The following ESRRG variants were observed in gnomAD, a reference collection of about 807,000 sequenced individuals.
ESRRG encodes the protein estrogen related receptor gamma.
ESRRG carries 13 observed loss-of-function variants against 44.0 expected under a neutral mutation model. The ratio of observed to expected loss-of-function variants is 0.30; its 90% CI spans 0.19 to 0.47. The LOEUF (loss-of-function observed/expected upper bound fraction) is 0.47. ESRRG is among the 20% of genes least tolerant of loss of function. The probability of loss-of-function intolerance (pLI) is 1.00; values close to 1 mark genes in which losing one functional copy is unlikely to be tolerated. For synonymous variants in ESRRG, 215 were observed against 214.6 expected (o/e 1.00, Z -0.02); for missense variants, 395 against 580.6 (o/e 0.68, Z 3.29).
At chr1:216,560,920 G>A (rs558365724) in intron 5 of ESRRG, among the ~76,000 whole-genome samples, 316 of 152,256 alleles carry the variant, frequency 2.1e-3, no homozygotes, top group Admixed American at 3.6e-3. Context: ...GGATATAAAA[G>A]GATGCTAATG....
At chr1:216,615,736 CTTTTT>C (rs60874199) in intron 3 of ESRRG, among the ~76,000 whole-genome samples, 1 of 137,264 alleles carries the variant, frequency 7.3e-6, no homozygotes, top group Admixed American at 7.3e-5. Context: ...ATTTCTCTCT[CTTTTT>C]TTTTTTTTTT....
At position 217,089,077 on chromosome 1, in the gene ESRRG, C is replaced by T. The variant is rs1367222365; in HGVS notation, c.-106+430G>A. ...TCCAGCCCATGACAGCAGTCCTCAA[C>T]TCCTGGCACCACCCTCTCCCCCAAC... On this transcript the variant is annotated intron_variant, in intron 1 of 7. Transcript: ENST00000359162. 2.5e-4 allele frequency among the ~76,000 whole-genome samples: 38 copies of T among 151,992 alleles called. 1 individual carries two copies. Among genetic ancestry groups the T allele is most frequent in the Admixed American group, 2.5e-3 (38 of 15,262 alleles).
At chr1:216,802,099 C>T (rs1427269581) in intron 2 of ESRRG, among the ~76,000 whole-genome samples, 2 of 152,098 alleles carry the variant, frequency 1.3e-5, no homozygotes, top group African/African-American at 4.8e-5. Context: ...AATGTCCCTT[C>T]CCCCAAAGAG....
chr1:216,702,554 G>A (rs1314273398), intron 1 of ESRRG, among the ~76,000 whole-genome samples: 1 of 150,666 alleles, frequency 6.6e-6, no homozygotes, highest in Non-Finnish European at 1.5e-5. Context: ...CTTGAGGTCA[G>A]GAGTTCGAGA....
intron 1 of ESRRG, among the ~76,000 whole-genome samples, chr1:217,046,652 T>C (rs2084930219): frequency 1.3e-5 from 2 of 152,064 alleles, no homozygotes; most frequent in Admixed American, 1.3e-4. Context: ...AGGAGGCCAG[T>C]GCAGGAGGAT....
At chr1:216,622,178 C>T (rs1277573606) in intron 3 of ESRRG, among the ~76,000 whole-genome samples, 4 of 152,194 alleles carry the variant, frequency 2.6e-5, no homozygotes, top group Non-Finnish European at 2.9e-5. Flanking sequence ...ATCAGGAAAA[C>T]ACCATGAAAG....
rs2041330237 is a variant in ESRRG, at chr1:216,506,875, A to G, written c.*64T>C. On this transcript the variant is annotated 3_prime_UTR_variant, in exon 7 of 7. Transcript: ENST00000408911. ...TAACTAAACTCTAAGTTTCTTCGACATCACTCTTGGGTTTATTTTCCCTTT... is the reference window on the plus strand; with the variant it reads ...TAACTAAACTCTAAGTTTCTTCGACGTCACTCTTGGGTTTATTTTCCCTTT... 3 of 1,546,340 alleles carry G rather than the reference A, an allele frequency of 1.9e-6. No individual in the cohort carries two copies. The highest frequency in any genetic ancestry group is 1.4e-5 in the African/African-American group (1 of 72,462).
intron 2 of ESRRG, among the ~76,000 whole-genome samples, chr1:216,873,658 C>T (rs1003572801): frequency 1.5e-4 from 22 of 151,490 alleles, no homozygotes; most frequent in Admixed American, 3.3e-4. Flanking sequence ...CCACATATGC[C>T]CACATTTTTT....
chr1:217,021,355 A>T (rs1396628694), intron 1 of ESRRG, among the ~76,000 whole-genome samples: 6 of 152,154 alleles, frequency 3.9e-5, no homozygotes, highest in African/African-American at 1.4e-4. Flanking sequence ...CAGGGATCAA[A>T]CCCATGACCA....
At chr1:216,961,486 CTCT>C (rs1424000410) in intron 1 of ESRRG, among the ~76,000 whole-genome samples, 2 of 151,676 alleles carry the variant, frequency 1.3e-5, no homozygotes, top group Non-Finnish European at 2.9e-5. Context: ...CATAAACTAC[CTCT>C]TCTTAAGGAT....
At chr1:217,133,661 T>TCTCTCTCTCTC (rs1558298499) in intron 1 of ESRRG, among the ~76,000 whole-genome samples, 1 of 142,822 alleles carries the variant, frequency 7.0e-6, no homozygotes, top group Non-Finnish European at 1.5e-5. Context: ...CTTTCTTTCT[T>TCTCTCTCTCTC]TCTTTCTTTC....
intron 2 of ESRRG, among the ~76,000 whole-genome samples, chr1:216,778,897 A>G (rs572821089): frequency 4.5e-4 from 68 of 151,080 alleles, no homozygotes; most frequent in African/African-American, 1.6e-3. Context: ...TTGAAAAGAA[A>G]CCTATCTATG....
intron 2 of ESRRG, among the ~76,000 whole-genome samples, chr1:216,880,089 T>C (rs749300087): frequency 2.3e-4 from 35 of 151,732 alleles, no homozygotes; most frequent in Non-Finnish European, 4.4e-4. Flanking sequence ...GGTTGGATCA[T>C]TTGAGGTCAA....
intron 2 of ESRRG, among the ~76,000 whole-genome samples, chr1:216,912,983 C>A (rs1010882660): frequency 6.6e-6 from 1 of 151,416 alleles, no homozygotes; most frequent in African/African-American, 2.4e-5. Context: ...ATTAGCTGGG[C>A]GTGGTGACAT....
At chr1:216,747,019 A>C (rs567733003) in intron 2 of ESRRG, among the ~76,000 whole-genome samples, 8 of 152,182 alleles carry the variant, frequency 5.3e-5, no homozygotes, top group Non-Finnish European at 1.0e-4. Flanking sequence ...CAAAGAACTC[A>C]TAAAACAGGC....
intron 1 of ESRRG, among the ~76,000 whole-genome samples, chr1:216,984,697 C>A (rs982899794): frequency 6.6e-6 from 1 of 152,140 alleles, no homozygotes; most frequent in African/African-American, 2.4e-5. Context: ...AGAAGAGAAT[C>A]CCTTAGTGAG....
chr1:216,629,201 A>G (rs1312751010), intron 3 of ESRRG, among the ~76,000 whole-genome samples: 1 of 152,236 alleles, frequency 6.6e-6, no homozygotes, highest in Non-Finnish European at 1.5e-5. Context: ...GATGGTCAAT[A>G]TATCTTTGCT....
chr1:217,136,464 T>G (rs1049539533), intron 1 of ESRRG, among the ~76,000 whole-genome samples: 1 of 152,130 alleles, frequency 6.6e-6, no homozygotes, highest in African/African-American at 2.4e-5. Flanking sequence ...GGCACCCGGG[T>G]CACGTCATCG....
upstream of ESRRG, among the ~76,000 whole-genome samples, chr1:217,093,697 T>C (rs544001811): frequency 6.6e-6 from 1 of 151,844 alleles, no homozygotes; most frequent in Admixed American, 6.5e-5. Context: ...GGCAAGAGGA[T>C]TGCTTGAGCC....
Sources: allele counts gnomAD v4.1 joint callset (sites outside exome capture counted in the v4.1 genomes callset), GRCh38; gene constraint gnomAD v4.1.1; transcripts MANE v1.5; gene names NCBI Gene and HGNC (gene_info 2026-07-23, HGNC 2026-07-21).